Variants in PCDH15 observed in about 807,000 individuals in gnomAD.
PCDH15 encodes the protein protocadherin related 15.
PCDH15 carries 129 observed loss-of-function variants against 178.5 expected under a neutral mutation model. That is an observed-to-expected ratio of 0.72 (90% CI 0.63 to 0.84). The LOEUF (loss-of-function observed/expected upper bound fraction) is 0.84, where lower values mean the gene tolerates loss of function less well. Among genes scored for constraint, PCDH15 ranks in the 40% least tolerant of loss-of-function variants. The pLI is 0.00. For missense variants in PCDH15, 2,230 were observed against 2,099.9 expected (o/e 1.06, Z -1.21); for synonymous variants, 800 against 732.0 (o/e 1.09, Z -1.50).
At chr10:55,602,664 T>G (rs925150799) in intron 2 of PCDH15, among the ~76,000 whole-genome samples, 23 of 152,004 alleles carry the variant, frequency 1.5e-4, no homozygotes, top group African/African-American at 5.1e-4. Flanking sequence ...CCAACAGACC[T>G]GCAGCTGAGG....
In PCDH15 at chr10:55,467,966, C is replaced by CAAAAAAAAAAAAAAAAAAAA. The variant is rs71463104; in HGVS notation, c.-156+159639_-156+159658dup. ...TGGGCGATAGAGCCAGACTCCGTCT[C>CAAAAAAAAAAAAAAAAAAAA]AAAAAAAAAAAAAAAAAAAAAAAAA... On this transcript the variant is annotated intron_variant, in intron 2 of 5. Coordinates refer to the PCDH15 transcript ENST00000613346. Among the ~76,000 whole-genome samples the CAAAAAAAAAAAAAAAAAAAA allele has an allele frequency of 9.3e-4, 34 of 36,634 alleles. 1 individual carries two copies. The highest frequency in any genetic ancestry group is 0.015 in the Middle Eastern group (1 of 66). 24.0% of individuals were successfully genotyped at this position (36,634 alleles called of 152,430 possible). A position where few individuals can be genotyped will look rare whatever the true frequency, so the allele number is the denominator to read the frequency against.
chr10:55,241,297 C>T (rs1246002593), intron 1 of PCDH15, among the ~76,000 whole-genome samples: 1 of 152,146 alleles, frequency 6.6e-6, no homozygotes, highest in Non-Finnish European at 1.5e-5. Context: ...TCATTTATTA[C>T]TGCATGCTTA....
At chr10:54,388,014 G>A (rs1950117630) in intron 3 of PCDH15, among the ~76,000 whole-genome samples, 1 of 152,114 alleles carries the variant, frequency 6.6e-6, no homozygotes, top group Non-Finnish European at 1.5e-5. Context: ...TAGAGTTTTA[G>A]TTTTACAAGA....
rs374421889 is a variant in PCDH15, at chr10:54,104,836, C to G, written c.1918-14773G>C. On this transcript the variant is annotated intron_variant, in intron 15 of 37. Coordinates refer to ENST00000644397, the MANE Select transcript of PCDH15 (RefSeq NM_001384140.1). ...TGGCTGAGAGAGTGAGACTCTGCCT[C>G]AACAACAACAAAAAAAAAAAAAAAA... Among the ~76,000 whole-genome samples, 471 of 95,194 alleles carry G rather than the reference C, an allele frequency of 4.9e-3. 4 individuals are homozygous for G. Among genetic ancestry groups the G allele is most frequent in the Middle Eastern group, 0.028 (5 of 176 alleles). The allele number at this position is 95,194 out of a possible 152,430, so 62.5% of individuals were successfully genotyped here. A position where few individuals can be genotyped will look rare whatever the true frequency, so the allele number is the denominator to read the frequency against.
rs115428194 is a variant in PCDH15, at chr10:55,283,982, T to G, written c.-156+35617A>C. On this transcript the variant is annotated intron_variant, in intron 1 of 5. Transcript: ENST00000458638. ...TTAAGCTCTATACAATACATGGCTT[T>G]GTATATTACAGTGCTTTAGTATTAA... Among the ~76,000 whole-genome samples the G allele has an allele frequency of 4.8e-3, 726 of 152,270 alleles. 6 individuals carry two copies. The highest frequency in any genetic ancestry group is 0.017 in the African/African-American group (689 of 41,548).
intron 2 of PCDH15, among the ~76,000 whole-genome samples, chr10:54,544,661 G>A (rs1382297046): frequency 1.3e-5 from 2 of 152,056 alleles, no homozygotes; most frequent in African/African-American, 4.8e-5. Flanking sequence ...TTCCTTCATT[G>A]CTTTCCAAGC....
intron 2 of PCDH15, among the ~76,000 whole-genome samples, chr10:54,947,942 C>T (rs1252136476): frequency 6.6e-6 from 1 of 151,816 alleles, no homozygotes; most frequent in Non-Finnish European, 1.5e-5. Flanking sequence ...TTGATCCTTC[C>T]AATTCTATCT....
intron 3 of PCDH15, among the ~76,000 whole-genome samples, chr10:54,479,657 C>T (rs896488750): frequency 1.3e-5 from 2 of 151,890 alleles, no homozygotes; most frequent in African/African-American, 4.8e-5. Context: ...TTTATTTGCC[C>T]TCCCGCTACT....
intron 1 of PCDH15, among the ~76,000 whole-genome samples, chr10:54,733,183 GCTCT>G (rs775233867): frequency 5.9e-5 from 9 of 151,470 alleles, no homozygotes; most frequent in African/African-American, 1.7e-4. Flanking sequence ...TGGAAAGAAA[GCTCT>G]CTCTATTAAA....
chr10:54,446,831 T>G lies in PCDH15; in HGVS notation c.158-67889A>C, dbSNP rs188619889. 4.1e-3 allele frequency among the ~76,000 whole-genome samples: 619 copies of G among 151,594 alleles called. 2 individuals are homozygous for G. Among genetic ancestry groups the G allele is most frequent in the Non-Finnish European group, 7.1e-3 (481 of 67,692 alleles). ...TTCTCACAATACAATTGCAAACTGCTGATGTACTGTTTCTTTGTCAAGCAG... is the reference window on the plus strand; with the variant it reads ...TTCTCACAATACAATTGCAAACTGCGGATGTACTGTTTCTTTGTCAAGCAG... On this transcript the variant is annotated intron_variant, in intron 3 of 37. Coordinates refer to ENST00000644397, the MANE Select transcript of PCDH15 (RefSeq NM_001384140.1).
chr10:54,673,890 A>AATG (rs2094728267), intron 1 of PCDH15, among the ~76,000 whole-genome samples: 1 of 152,218 alleles, frequency 6.6e-6, no homozygotes, highest in African/African-American at 2.4e-5. Context: ...TACAACATTT[A>AATG]TTTAACACGA....
At chr10:55,607,637 C>G (rs1357681397) in intron 2 of PCDH15, among the ~76,000 whole-genome samples, 15 of 148,094 alleles carry the variant, frequency 1.0e-4, no homozygotes, top group Non-Finnish European at 1.9e-4. Context: ...TCTCAGTAAA[C>G]TATCACAAGA....
At chr10:54,948,420 T>G (rs2131871428) in intron 2 of PCDH15, among the ~76,000 whole-genome samples, 1 of 152,090 alleles carries the variant, frequency 6.6e-6, no homozygotes, top group Admixed American at 6.6e-5. Context: ...ATGTGATGAT[T>G]AATTTTCTGT....
At chr10:55,456,825 C>CTGGT (rs1839564373) in intron 2 of PCDH15, among the ~76,000 whole-genome samples, 1 of 151,932 alleles carries the variant, frequency 6.6e-6, no homozygotes, top group African/African-American at 2.4e-5. Flanking sequence ...GCTGTTGAGT[C>CTGGT]TGGTTCTGTG....
chr10:54,179,891 A>G lies in PCDH15; in HGVS notation c.1590+3553T>C, dbSNP rs77583142. On this transcript the variant is annotated intron_variant, in intron 13 of 37. Transcript: ENST00000644397. ...TGGAGCATTAATTGGATAGCTAGCT[A>G]CTAGTATTTAAATTGACATCTTCAA... Among the ~76,000 whole-genome samples, 963 of 152,318 alleles carry G rather than the reference A, an allele frequency of 6.3e-3. 9 individuals are homozygous for G. Among genetic ancestry groups the G allele is most frequent in the African/African-American group, 0.021 (883 of 41,570 alleles).
chr10:54,311,478 A>G (rs7088719), intron 8 of PCDH15, among the ~76,000 whole-genome samples: 77,524 of 151,758 alleles, frequency 0.51, 20,441 homozygotes, highest in Middle Eastern at 0.61. Context: ...TTTTTTCATA[A>G]TACCAGAAAA....
chr10:54,233,035 C>G (rs2054243237), intron 9 of PCDH15, among the ~76,000 whole-genome samples: 1 of 151,258 alleles, frequency 6.6e-6, no homozygotes, highest in Non-Finnish European at 1.5e-5. Context: ...CCTTGACTTC[C>G]CAGACCCAGG....
intron 2 of PCDH15, among the ~76,000 whole-genome samples, chr10:54,982,159 A>G (rs947944950): frequency 2.0e-5 from 3 of 152,104 alleles, no homozygotes; most frequent in Admixed American, 1.3e-4. Flanking sequence ...GCAATTATGC[A>G]TAGGGTATCT....
intron 3 of PCDH15, among the ~76,000 whole-genome samples, chr10:54,821,180 C>T (rs1331617840): frequency 6.6e-6 from 1 of 151,892 alleles, no homozygotes; most frequent in South Asian, 2.1e-4. Flanking sequence ...CTAATGCAAC[C>T]GTGCATAATG....
Sources: allele counts gnomAD v4.1 joint callset (sites outside exome capture counted in the v4.1 genomes callset), GRCh38; gene constraint gnomAD v4.1.1; transcripts MANE v1.5; gene names NCBI Gene and HGNC (gene_info 2026-07-23, HGNC 2026-07-21).